MCMBP: variants seen among roughly 807,000 people sequenced by gnomAD.
MCMBP encodes mini-chromosome maintenance complex-binding protein.
MCMBP carries 31 observed loss-of-function variants against 81.3 expected under a neutral mutation model. The observed-to-expected ratio is 0.38, with a 90% confidence interval of 0.29 to 0.51. The LOEUF (loss-of-function observed/expected upper bound fraction) is 0.51, where lower values mean the gene tolerates loss of function less well. MCMBP is among the 20% of genes least tolerant of loss of function. The pLI is 0.87. For synonymous variants in MCMBP, 267 were observed against 275.9 expected (o/e 0.97, Z 0.32); for missense variants, 645 against 772.1 (o/e 0.84, Z 1.95).
At chr10:119,832,535 CAT>C (rs1409678548) in intron 14 of MCMBP, among the ~76,000 whole-genome samples, 2 of 152,166 alleles carry the variant, frequency 1.3e-5, no homozygotes, top group African/African-American at 4.8e-5. Flanking sequence ...AGCATTTTAA[CAT>C]GTCCTACTCC....
At chr10:119,838,848 A>G in intron 11 of MCMBP, 148 bp from the exon 12 acceptor site, 1 of 586,130 alleles carries the variant, frequency 1.7e-6, no homozygotes. Flanking sequence ...TGAACTCCAG[A>G]AGCAAAAATA....
intron 5 of MCMBP, among the ~76,000 whole-genome samples, chr10:119,854,436 C>T (rs1852945985): frequency 6.6e-6 from 1 of 151,518 alleles, no homozygotes; most frequent in African/African-American, 2.4e-5. Context: ...GGTGTGGTGA[C>T]TCACATCTGG....
At chr10:119,855,440 G>A (rs903253935) in intron 5 of MCMBP, among the ~76,000 whole-genome samples, 2 of 152,234 alleles carry the variant, frequency 1.3e-5, no homozygotes, top group Admixed American at 6.5e-5. Flanking sequence ...GGGAGGTTGA[G>A]GCAGGTGGAT....
chr10:119,871,165 A>G (rs1008238561), intron 1 of MCMBP, among the ~76,000 whole-genome samples: 17 of 152,346 alleles, frequency 1.1e-4, no homozygotes, highest in Admixed American at 1.1e-3. Flanking sequence ...CCTAAAAAGT[A>G]TCTATGCATC....
At chr10:119,837,181 T>C (rs753336822) in intron 12 of MCMBP, 152 bp from the exon 13 acceptor site, 24 of 737,326 alleles carry the variant, frequency 3.3e-5, no homozygotes, top group Non-Finnish European at 4.8e-5. Context: ...CGTCACTAAG[T>C]GTGTAGGCTT....
At position 119,872,631 on chromosome 10, in the gene MCMBP, G is replaced by C; in HGVS notation, c.-47C>G. The C allele has an allele frequency of 5.5e-6, 6 of 1,100,550 alleles. No individual in the cohort carries two copies. Among genetic ancestry groups the C allele is most frequent in the Non-Finnish European group, 6.8e-6 (6 of 887,824 alleles). 68.2% of individuals were successfully genotyped at this position (1,100,550 alleles called of 1,614,324 possible). A position where few individuals can be genotyped will look rare whatever the true frequency, so the allele number is the denominator to read the frequency against. ...CGAAGACCGGGCGGAGGCGATCCGC[G>C]GGCCGAGCGCGGCCGGGCGGCCGGC... On this transcript the variant is annotated 5_prime_UTR_variant, in exon 1 of 16. Coordinates refer to ENST00000369077, the MANE Select transcript of MCMBP (RefSeq NM_001256378.2).
intron 1 of MCMBP, 21 bp downstream of exon 1, chr10:119,872,506 C>A: frequency 8.5e-7 from 1 of 1,178,922 alleles, no homozygotes; most frequent in Non-Finnish European, 1.1e-6. Flanking sequence ...GCCCGGCCCG[C>A]CCCCCGGCGC....
At chr10:119,849,685 G>T in intron 6 of MCMBP, 109 bp from the exon 7 acceptor site, 2 of 1,017,098 alleles carry the variant, frequency 2.0e-6, no homozygotes, top group Non-Finnish European at 2.8e-6. Context: ...TTCTGAGCTT[G>T]CAAAGTTCAA....
chr10:119,845,218 A>T (rs1211141073), intron 8 of MCMBP, among the ~76,000 whole-genome samples: 2 of 152,184 alleles, frequency 1.3e-5, no homozygotes, highest in African/African-American at 4.8e-5. Context: ...GTTGTTTAAA[A>T]TTTTTGTTTT....
intron 8 of MCMBP, among the ~76,000 whole-genome samples, chr10:119,846,924 A>G (rs79298902): frequency 6.6e-6 from 1 of 152,070 alleles, no homozygotes; most frequent in East Asian, 1.9e-4. Context: ...AAAAAAAAAA[A>G]GTGGCAAGAC....
At chr10:119,865,429 T>TAA (rs1308630114) in intron 1 of MCMBP, among the ~76,000 whole-genome samples, 1 of 152,066 alleles carries the variant, frequency 6.6e-6, no homozygotes, top group Non-Finnish European at 1.5e-5. Flanking sequence ...TCATCTCTAC[T>TAA]AAAAATACAA....
Position 119,854,961 on chromosome 10 carries a change from A to AT in MCMBP, c.430-1768_430-1767insA, listed in dbSNP as rs1852973668. 2.6e-5 allele frequency among the ~76,000 whole-genome samples: 4 copies of AT among 151,810 alleles called. No homozygotes were observed. In the South Asian group the frequency reaches 8.3e-4, roughly 32 times the overall value. On this transcript the variant is annotated intron_variant, in intron 5 of 15. Coordinates refer to ENST00000369077, the MANE Select transcript of MCMBP (RefSeq NM_001256378.2). ...GAGCAGGACTCTGCCTCAAAAAAAA[A>AT]AAAAAAAAAAATAAAATAAAATCAT...
chr10:119,843,117 G>C, intron 9 of MCMBP, 137 bp downstream of exon 9: 1 of 962,854 alleles, frequency 1.0e-6, no homozygotes, highest in Non-Finnish European at 1.7e-6. Flanking sequence ...GGGGCAACGA[G>C]AGAGAGATTA....
intron 9 of MCMBP, chr10:119,842,842 G>A (rs1003300432): frequency 3.8e-5 from 15 of 390,802 alleles, no homozygotes; most frequent in Middle Eastern, 7.8e-4. Context: ...TCAGCTCACC[G>A]CAACCTCTGC....
upstream of MCMBP, chr10:119,873,400 C>T (rs1853785827): frequency 6.6e-6 from 1 of 152,204 alleles, no homozygotes; most frequent in Non-Finnish European, 1.5e-5. Flanking sequence ...GCAGTCGCGT[C>T]AGGCCCTGTG....
At chr10:119,837,998 C>G (rs907145153) in intron 12 of MCMBP, among the ~76,000 whole-genome samples, 2 of 151,962 alleles carry the variant, frequency 1.3e-5, no homozygotes, top group African/African-American at 2.4e-5. Flanking sequence ...TAGCGAGACC[C>G]TGTCTCTACC....
In MCMBP at chr10:119,842,535, G is replaced by A. The variant is rs148352319; in HGVS notation, c.1061C>T (p.Thr354Ile). The change falls in exon 10 of 16, where the codon ACT (threonine) becomes ATT (isoleucine). Residue 354 changes from threonine (T) to isoleucine (I), a missense_variant. Transcript: ENST00000369077. The stretch of plus-strand genomic sequence containing the variant: ...CAAACTATCCCCCAGAAGGGCATGA[G>A]TAAGGAACCCAAGAAGTTCTGCTCT... ...PVRAELLGFL[T>I]HALLGDSLAA... 1 of 1,613,826 alleles carries A rather than the reference G, an allele frequency of 6.2e-7. No individual in the cohort carries two copies. Among genetic ancestry groups the A allele is most frequent in the Non-Finnish European group, 8.5e-7 (1 of 1,179,886 alleles).
At chr10:119,837,358 T>TA (rs1719331650) in intron 12 of MCMBP, among the ~76,000 whole-genome samples, 2 of 152,200 alleles carry the variant, frequency 1.3e-5, no homozygotes, top group African/African-American at 4.8e-5. Flanking sequence ...ACTACCGTCA[T>TA]ACATAGATCA....
chr10:119,840,141 G>A (rs185400372), intron 11 of MCMBP, among the ~76,000 whole-genome samples: 216 of 152,242 alleles, frequency 1.4e-3, no homozygotes, highest in Non-Finnish European at 2.3e-3. Flanking sequence ...ATCATAACGT[G>A]AAAAACAGCT....
Sources: allele counts gnomAD v4.1 joint callset (sites outside exome capture counted in the v4.1 genomes callset), GRCh38; gene constraint gnomAD v4.1.1; transcripts MANE v1.5; gene names NCBI Gene and HGNC (gene_info 2026-07-23, HGNC 2026-07-21).